Variants in RPS6KC1 observed in about 807,000 individuals in gnomAD.
RPS6KC1 encodes the protein ribosomal protein S6 kinase C1, also known as inactive ribosomal protein S6 kinase delta-1.
RPS6KC1 carries 54 observed loss-of-function variants against 103.8 expected under a neutral mutation model. That is an observed-to-expected ratio of 0.52 (90% CI 0.42 to 0.65). RPS6KC1 has a LOEUF of 0.65. RPS6KC1 is among the 30% of genes least tolerant of loss of function. The pLI, the probability that RPS6KC1 is intolerant of heterozygous loss-of-function variation, is 0.00. For missense variants in RPS6KC1, 1,151 were observed against 1,253.8 expected, an observed-to-expected ratio of 0.92 and a Z score of 1.24; for synonymous variants, 439 against 438.7, an observed-to-expected ratio of 1.00 and a Z score of -0.01.
chr1:213,807,281 T>A, the RPS6KC1 span, among the ~76,000 whole-genome samples: 2 of 152,098 alleles, frequency 1.3e-5, no homozygotes, highest in African/African-American at 4.8e-5. Flanking sequence ...TCTCGAGGAG[T>A]ATGTTTGTGG....
chr1:213,206,663 T>C lies in RPS6KC1; in HGVS notation c.1045-23834T>C, dbSNP rs935839777. The stretch of plus-strand genomic sequence containing the variant: ...TCTAAATACCGCCCTTCTCCAGTGA[T>C]CATCTTTCAGTTATTTCAAGATAGT... On this transcript the variant is annotated intron_variant, in intron 8 of 14. Coordinates refer to ENST00000366960, the MANE Select transcript of RPS6KC1 (RefSeq NM_012424.6). Among the ~76,000 whole-genome samples, 14 of 152,382 alleles carry C rather than the reference T, an allele frequency of 9.2e-5. 1 individual carries two copies. Among genetic ancestry groups the C allele is most frequent in the Admixed American group, 6.5e-4 (10 of 15,310 alleles).
chr1:213,553,107 C>A, the RPS6KC1 span, among the ~76,000 whole-genome samples: 1 of 151,848 alleles, frequency 6.6e-6, no homozygotes, highest in Non-Finnish European at 1.5e-5. Flanking sequence ...ATTTTGTCAC[C>A]CAGGTAATCA....
chr1:213,626,942 G>T, the RPS6KC1 span, among the ~76,000 whole-genome samples: 1 of 152,182 alleles, frequency 6.6e-6, no homozygotes, highest in African/African-American at 2.4e-5. Flanking sequence ...CTTTAAAGTA[G>T]TTTTTTCCAA....
At chr1:213,502,653 T>A in the RPS6KC1 span, among the ~76,000 whole-genome samples, 6 of 152,150 alleles carry the variant, frequency 3.9e-5, no homozygotes, top group Non-Finnish European at 8.8e-5. Flanking sequence ...ATGTTTACAA[T>A]ATATTTTTAA....
At chr1:213,788,741 C>A in the RPS6KC1 span, among the ~76,000 whole-genome samples, 153 of 152,314 alleles carry the variant, frequency 1.0e-3, no homozygotes, top group Admixed American at 4.7e-3. Context: ...GACCCCCAAA[C>A]TAATCTGCTA....
At chr1:213,659,518 C>T in the RPS6KC1 span, among the ~76,000 whole-genome samples, 1 of 152,016 alleles carries the variant, frequency 6.6e-6, no homozygotes, top group Non-Finnish European at 1.5e-5. Flanking sequence ...AGAAAATGGT[C>T]ATCATCACGT....
chr1:213,562,538 G>A, the RPS6KC1 span, among the ~76,000 whole-genome samples: 1 of 151,362 alleles, frequency 6.6e-6, no homozygotes, highest in Non-Finnish European at 1.5e-5. Flanking sequence ...TACAGTTGCC[G>A]GCCACCACGC....
the RPS6KC1 span, among the ~76,000 whole-genome samples, chr1:213,520,180 G>T: frequency 6.6e-6 from 1 of 152,154 alleles, no homozygotes; most frequent in Non-Finnish European, 1.5e-5. Flanking sequence ...AGACATGTCT[G>T]AGACTGGGTT....
At chr1:213,797,941 A>C in the RPS6KC1 span, among the ~76,000 whole-genome samples, 11 of 152,356 alleles carry the variant, frequency 7.2e-5, no homozygotes, top group Non-Finnish European at 1.3e-4. Context: ...ATTTCCTATT[A>C]GGCACCTAGA....
chr1:213,559,883 T>A, the RPS6KC1 span, among the ~76,000 whole-genome samples: 10 of 152,224 alleles, frequency 6.6e-5, no homozygotes, highest in African/African-American at 2.4e-4. Context: ...ATTAATGAGA[T>A]GTTTTACATA....
chr1:213,733,762 T>A, the RPS6KC1 span, among the ~76,000 whole-genome samples: 1 of 152,212 alleles, frequency 6.6e-6, no homozygotes, highest in East Asian at 1.9e-4. Context: ...AACTCAAGGT[T>A]CAAGTAGCCT....
chr1:213,396,180 T>C, the RPS6KC1 span, among the ~76,000 whole-genome samples: 54 of 152,226 alleles, frequency 3.5e-4, no homozygotes, highest in African/African-American at 1.0e-3. Flanking sequence ...ATCACTGATA[T>C]CTAGGAAGTT....
the RPS6KC1 span, among the ~76,000 whole-genome samples, chr1:213,417,514 A>T: frequency 6.6e-6 from 1 of 152,070 alleles, no homozygotes; most frequent in African/African-American, 2.4e-5. Flanking sequence ...GAGATGGGGA[A>T]GGTGCAGCCC....
chr1:213,602,086 T>TTC, the RPS6KC1 span, among the ~76,000 whole-genome samples: 203 of 38,330 alleles, frequency 5.3e-3, 17 homozygotes, highest in African/African-American at 0.018. Context: ...TTCTCTTTCT[T>TTC]TCTTTCTTTC....
intron 8 of RPS6KC1, among the ~76,000 whole-genome samples, chr1:213,216,571 T>C (rs1448670952): frequency 8.5e-5 from 13 of 152,174 alleles, no homozygotes; most frequent in African/African-American, 2.9e-4. Flanking sequence ...AATATACATT[T>C]TTTTCAGCAC....
chr1:213,789,636 G>A, the RPS6KC1 span, among the ~76,000 whole-genome samples: 1 of 152,098 alleles, frequency 6.6e-6, no homozygotes, highest in Non-Finnish European at 1.5e-5. Flanking sequence ...CAGGTGATGG[G>A]ACAAAATTGC....
At chr1:213,129,419 C>T (rs2085339230) in intron 5 of RPS6KC1, 108 bp from the exon 6 acceptor site, 4 of 1,242,452 alleles carry the variant, frequency 3.2e-6, no homozygotes, top group Non-Finnish European at 2.2e-6. Context: ...AAATTACAGC[C>T]TTCCAAATTG....
chr1:213,638,991 G>T, the RPS6KC1 span, among the ~76,000 whole-genome samples: 1 of 151,902 alleles, frequency 6.6e-6, no homozygotes, highest in African/African-American at 2.4e-5. Flanking sequence ...TGGATATTTT[G>T]TCTCTCCATT....
intron 8 of RPS6KC1, among the ~76,000 whole-genome samples, chr1:213,226,702 TC>T (rs1361585872): frequency 6.6e-6 from 1 of 152,204 alleles, no homozygotes; most frequent in Non-Finnish European, 1.5e-5. Context: ...ACACATGACT[TC>T]CTAACTGCCC....
Sources: gnomAD v4.1 joint callset for allele counts (sites outside exome capture counted in the v4.1 genomes callset) on GRCh38, gnomAD v4.1.1 for gene constraint, MANE v1.5 for transcripts, NCBI Gene and HGNC (gene_info 2026-07-23, HGNC 2026-07-21) for gene names.